The following SERPINB5 variants were observed in gnomAD, a reference collection of about 807,000 sequenced individuals.
SERPINB5 encodes serpin B5.
A neutral mutation model predicts 32.2 loss-of-function variants in SERPINB5; 27 were observed. The observed-to-expected ratio is 0.84, with a 90% CI of 0.62 to 1.16. The LOEUF (loss-of-function observed/expected upper bound fraction) is 1.16. Among genes scored for constraint, SERPINB5 ranks in the 50% most tolerant of loss-of-function variants. The probability of loss-of-function intolerance (pLI) is 0.00; values close to 1 mark genes in which losing one functional copy is unlikely to be tolerated. For synonymous variants in SERPINB5, 154 were observed against 157.4 expected (o/e 0.98, Z 0.16); for missense variants, 388 against 436.3 (o/e 0.89, Z 0.99).
At chr18:63,488,117 C>CTTTGTGGTGCTTTG (rs1917242874) in intron 3 of SERPINB5, among the ~76,000 whole-genome samples, 2 of 152,074 alleles carry the variant, frequency 1.3e-5, no homozygotes, top group African/African-American at 4.8e-5. Context: ...ATTTTTATTG[C>CTTTGTGGTGCTTTG]TGGCAGTGAG....
chr18:63,497,499 G>GAAAAAAAAAAAAAA (rs60323388), intron 5 of SERPINB5: 1 of 217,032 alleles, frequency 4.6e-6, no homozygotes, highest in African/African-American at 2.5e-5. Flanking sequence ...CAACGTTTCT[G>GAAAAAAAAAAAAAA]AAAAAAAAAA....
intron 1 of SERPINB5, among the ~76,000 whole-genome samples, chr18:63,482,325 C>T (rs913147146): frequency 6.6e-6 from 1 of 152,188 alleles, no homozygotes; most frequent in African/African-American, 2.4e-5. Context: ...AAAGGGAGTC[C>T]TCTATCTTAA....
rs146421363 is a variant in SERPINB5 at position 63,485,805 on chromosome 18, G to C, written c.169-1141G>C. On this transcript the variant is annotated intron_variant, in intron 2 of 6. Transcript: ENST00000382771. ...AGGCATGAGAGTTATGCACTGTCTG[G>C]GACCAGCATTTGACCCTGCAATGCT... is the stretch of plus-strand genomic sequence containing the variant. 2.7e-3 allele frequency: 415 copies of C among 152,906 alleles called. 3 individuals carry two copies. The highest frequency in any genetic ancestry group is 4.6e-3 in the Admixed American group (71 of 15,300). 9.5% of individuals were successfully genotyped at this position (152,906 alleles called of 1,614,324 possible).
At chr18:63,479,254 G>A (rs556260832) in intron 1 of SERPINB5, among the ~76,000 whole-genome samples, 24 of 152,280 alleles carry the variant, frequency 1.6e-4, no homozygotes, top group Non-Finnish European at 3.4e-4. Context: ...AACCAGGATT[G>A]TCCCAGGCAA....
intron 3 of SERPINB5, among the ~76,000 whole-genome samples, chr18:63,487,802 C>G (rs1917239052): frequency 6.6e-6 from 1 of 152,074 alleles, no homozygotes; most frequent in Non-Finnish European, 1.5e-5. Context: ...TGATTTAGTT[C>G]CTGTTTGGAT....
rs1909624600 is a variant in SERPINB5 at position 63,503,882 on chromosome 18, C to A, written c.*160C>A. 3 of 615,706 alleles carry A rather than the reference C, an allele frequency of 4.9e-6. No individual in the cohort carries two copies. Among genetic ancestry groups the A allele is most frequent in the East Asian group, 2.8e-5 (1 of 35,188 alleles). 38.1% of individuals were successfully genotyped at this position (615,706 alleles called of 1,614,324 possible). The stretch of plus-strand genomic sequence containing the variant: ...CATATGTAGCCTTCACACAGATAGA[C>A]CTTTTTTTTTTTTCCAATTCTATCT... On this transcript the variant is annotated 3_prime_UTR_variant, in exon 7 of 7. Coordinates refer to ENST00000382771, the MANE Select transcript of SERPINB5 (RefSeq NM_002639.5).
intron 1 of SERPINB5, among the ~76,000 whole-genome samples, chr18:63,478,056 T>G (rs1917064395): frequency 6.6e-6 from 1 of 152,220 alleles, no homozygotes; most frequent in African/African-American, 2.4e-5. Context: ...GTTCCAAACC[T>G]CAGTCCCTGT....
chr18:63,501,862 A>C (rs534714061), intron 6 of SERPINB5, among the ~76,000 whole-genome samples: 1 of 152,166 alleles, frequency 6.6e-6, no homozygotes, highest in South Asian at 2.1e-4. Flanking sequence ...GTGTCTGTTC[A>C]CATCCTTTGC....
chr18:63,484,724 TC>T, intron 2 of SERPINB5, 128 bp downstream of exon 2: 1 of 463,812 alleles, frequency 2.2e-6, no homozygotes, highest in Non-Finnish European at 3.7e-6. Flanking sequence ...ACTGTGCCAT[TC>T]CAGGACTCTC....
rs386387948 is a variant in SERPINB5 at position 63,498,749 on chromosome 18, GTA to G, written c.568-359_568-358del. 2.0e-5 allele frequency among the ~76,000 whole-genome samples: 3 copies of G among 149,944 alleles called. No individual in the cohort carries two copies. Among genetic ancestry groups the G allele is most frequent in the East Asian group, 1.9e-4 (1 of 5,142 alleles). On this transcript the variant is annotated intron_variant, in intron 5 of 6. Coordinates refer to ENST00000382771, the MANE Select transcript of SERPINB5 (RefSeq NM_002639.5). The surrounding 1 kb of genome is among the most constrained non-coding windows in gnomAD (Gnocchi z 4.2). ...GACACTGTGTCAAGAGCAAATTTGT[GTA>G]TATATATATATGTACATATATATTT...
intron 5 of SERPINB5, among the ~76,000 whole-genome samples, chr18:63,495,032 T>C (rs1010944634): frequency 6.6e-6 from 1 of 152,232 alleles, no homozygotes; most frequent in Non-Finnish European, 1.5e-5. Flanking sequence ...GCATTTTCAC[T>C]GGGAGAAGAC....
chr18:63,500,069 A>C (rs1909540541), intron 6 of SERPINB5, among the ~76,000 whole-genome samples: 1 of 151,884 alleles, frequency 6.6e-6, no homozygotes, highest in Admixed American at 6.6e-5. Flanking sequence ...GCTGGAGTGC[A>C]GTGGCATGAT....
At chr18:63,483,539 G>C (rs1917157246) in intron 1 of SERPINB5, among the ~76,000 whole-genome samples, 1 of 152,214 alleles carries the variant, frequency 6.6e-6, no homozygotes, top group Non-Finnish European at 1.5e-5. Flanking sequence ...AGGCTTGGAG[G>C]CCAGTACTTT....
rs1394863674 is a variant in SERPINB5, at chr18:63,492,957, C to T, written c.429C>T (p.His143=). ...GTTTTCCTAAAATTGTTGCAGGCCA[C>T]TTTGAGAACATTTTAGCTGACAACA... ...NNSIKDLTDG[H]FENILADNSV... The change falls in exon 5 of 7, where the codon CAC becomes CAT. Residue 143 remains histidine (H), a synonymous_variant. Transcript: ENST00000382771. The T allele has an allele frequency of 1.2e-6, 2 of 1,608,434 alleles. No individual in the cohort carries two copies. Among genetic ancestry groups the T allele is most frequent in the African/African-American group, 1.3e-5 (1 of 74,588 alleles).
At chr18:63,501,370 A>C (rs2144511449) in intron 6 of SERPINB5, among the ~76,000 whole-genome samples, 1 of 152,246 alleles carries the variant, frequency 6.6e-6, no homozygotes, top group African/African-American at 2.4e-5. Context: ...AAAGGACACG[A>C]ACTCATCATT....
At chr18:63,487,479 G>A (rs1237507819) in intron 3 of SERPINB5, among the ~76,000 whole-genome samples, 1 of 152,164 alleles carries the variant, frequency 6.6e-6, no homozygotes, top group Non-Finnish European at 1.5e-5. Flanking sequence ...CATATGGCCT[G>A]GGACAATGTT....
chr18:63,489,536 C>A, intron 4 of SERPINB5, 72 bp downstream of exon 4: 1 of 825,262 alleles, frequency 1.2e-6, no homozygotes. Flanking sequence ...AATGTTTGCT[C>A]CAAGGATAAA....
At chr18:63,480,366 C>T (rs1330696649) in intron 1 of SERPINB5, among the ~76,000 whole-genome samples, 4 of 152,112 alleles carry the variant, frequency 2.6e-5, no homozygotes, top group Admixed American at 6.5e-5. Flanking sequence ...CAACTATAAA[C>T]GAAGTTCTCC....
rs971193498 is a variant in SERPINB5, at chr18:63,498,116, C to T, written c.568-1004C>T. Among the ~76,000 whole-genome samples the T allele has an allele frequency of 2.0e-5, 3 of 152,152 alleles. No homozygotes were observed. The highest frequency in any genetic ancestry group is 3.2e-3 in the Middle Eastern group (1 of 316). ...TCTGTTTTGTTTTGAGATGGAGTCTCGCTCTGTTGCCCAGGCTGGAGTGAG... is the reference window on the plus strand; with the variant it reads ...TCTGTTTTGTTTTGAGATGGAGTCTTGCTCTGTTGCCCAGGCTGGAGTGAG... On this transcript the variant is annotated intron_variant, in intron 5 of 6. Coordinates refer to ENST00000382771, the MANE Select transcript of SERPINB5 (RefSeq NM_002639.5). The surrounding 1 kb of genome is among the most constrained non-coding windows in gnomAD (Gnocchi z 4.2).
Sources: allele counts gnomAD v4.1 joint callset (sites outside exome capture counted in the v4.1 genomes callset), GRCh38; gene constraint gnomAD v4.1.1; non-coding constraint Gnocchi (gnomAD v3.1); transcripts MANE v1.5; gene names NCBI Gene and HGNC (gene_info 2026-07-23, HGNC 2026-07-21).